The following ZNF638 variants were observed in gnomAD, a reference collection of about 807,000 sequenced individuals.
ZNF638 encodes zinc finger protein 638, also known as CTCL tumor antigen se33-1.
In ZNF638, 46 loss-of-function variants were observed where a neutral mutation model predicts 195.6. The ratio of observed to expected loss-of-function variants is 0.24; its 90% confidence interval spans 0.19 to 0.30. The LOEUF (loss-of-function observed/expected upper bound fraction) is 0.30. ZNF638 is among the 10% of genes least tolerant of loss of function. The pLI is 1.00. For missense variants in ZNF638, 2,440 were observed against 2,325.3 expected (o/e 1.05, Z -1.01); for synonymous variants, 845 against 772.0 (o/e 1.09, Z -1.57).
intron 2 of ZNF638, among the ~76,000 whole-genome samples, chr2:71,354,343 C>G (rs1281135081): frequency 7.0e-6 from 1 of 143,658 alleles, no homozygotes; most frequent in African/African-American, 2.6e-5. Context: ...ACTGTATTGG[C>G]TTTTTTTTTT....
intron 2 of ZNF638, among the ~76,000 whole-genome samples, chr2:71,353,032 G>A (rs988346927): frequency 2.0e-5 from 3 of 152,156 alleles, no homozygotes; most frequent in African/African-American, 2.4e-5. Context: ...GATGGATTTC[G>A]ATGGTACACA....
chr2:71,343,798 T>A (rs980749765), intron 1 of ZNF638, among the ~76,000 whole-genome samples: 1 of 152,160 alleles, frequency 6.6e-6, no homozygotes, highest in Non-Finnish European at 1.5e-5. Flanking sequence ...CCAAAAAAAC[T>A]CACGTTTTCC....
In ZNF638 at chr2:71,368,265, T is replaced by A. The variant is rs1249104327; in HGVS notation, c.1996-117T>A. ...GAAAAAGAAAAATGGGTAAAAAATATGGAAAAGACCCTTTAGTGTACTAAT... is the reference window on the plus strand; with the variant it reads ...GAAAAAGAAAAATGGGTAAAAAATAAGGAAAAGACCCTTTAGTGTACTAAT... On this transcript the variant is annotated intron_variant, in intron 6 of 27. Transcript: ENST00000264447. 3.3e-6 allele frequency: 3 copies of A among 904,554 alleles called. No homozygotes were observed. In the South Asian group the frequency reaches 8.7e-5, roughly 26 times the overall value. 56.0% of individuals were successfully genotyped at this position (904,554 alleles called of 1,614,324 possible). A position where few individuals can be genotyped will look rare whatever the true frequency, so the allele number is the denominator to read the frequency against.
chr2:71,433,165 A>T lies in ZNF638; in HGVS notation c.5753A>T (p.Glu1918Val). 5.7e-6 allele frequency: 9 copies of T among 1,589,862 alleles called. No homozygotes were observed. The highest frequency in any genetic ancestry group is 6.9e-6 in the Non-Finnish European group (8 of 1,158,370). The change falls in exon 27 of 28, where the codon GAA (glutamate) becomes GTA (valine). Residue 1918 changes from glutamate (E) to valine (V), a missense_variant and splice_region_variant. This residue lies in a region of ZNF638 where 1,883 missense variants were observed against 1,739.1 expected (regional missense o/e 1.08). Coordinates refer to ENST00000264447, the MANE Select transcript of ZNF638 (RefSeq NM_014497.5). ...CTTCTTGTCTCTTCTTATCCTCTAG[A>T]ATTAGACTTTCTTGTACCTAAGGCT... The part of the protein sequence containing the change: ...GKSVASDVPE[E>V]LDFLVPKAGF...
chr2:71,364,103 C>A lies in ZNF638; in HGVS notation c.1568C>A (p.Pro523Gln). The change falls in exon 5 of 28, where the codon CCA becomes CAA. Residue 523 changes from proline (P) to glutamine (Q), a missense_variant. Pro to Gln is a moderately conservative substitution (Grantham distance 76, BLOSUM62 -1). This residue lies in a region of ZNF638 where 1,883 missense variants were observed against 1,739.1 expected (regional missense o/e 1.08). Transcript: ENST00000264447. Reference sequence around the variant, plus strand: ...ATGTATAGGCCGAGAAGTCGAAGTCCAAGAATTTGCCATCGTTTCATTTCT... The same window carrying A: ...ATGTATAGGCCGAGAAGTCGAAGTCAAAGAATTTGCCATCGTTTCATTTCT... ...HYMYRPRSRS[P>Q]RICHRFISRY... 6.2e-7 allele frequency: 1 copy of A among 1,614,122 alleles called. No individual in the cohort carries two copies.
In ZNF638 at chr2:71,383,762, C is replaced by CTTTTTTTT. The variant is rs1181570876; in HGVS notation, c.2377+3209_2377+3216dup. 1.1e-3 allele frequency among the ~76,000 whole-genome samples: 81 copies of CTTTTTTTT among 76,724 alleles called. 2 individuals carry two copies. Among genetic ancestry groups the CTTTTTTTT allele is most frequent in the African/African-American group, 2.3e-3 (44 of 19,360 alleles). The allele number at this position is 76,724 out of a possible 152,430, so 50.3% of individuals were successfully genotyped here. On this transcript the variant is annotated intron_variant, in intron 10 of 27. Transcript: ENST00000264447. ...AATTTTTCTTTTTTTTTTTCTTTTT[C>CTTTTTTTT]TTTTTTTTTTTTTTTTTTTAGTAGA...
chr2:71,350,824 C>T (rs1276325565), intron 2 of ZNF638, among the ~76,000 whole-genome samples: 3 of 152,024 alleles, frequency 2.0e-5, no homozygotes, highest in Non-Finnish European at 4.4e-5. Flanking sequence ...AAAAATAAGT[C>T]AAGGTGCAGT....
chr2:71,405,005 T>A (rs2080077924), intron 17 of ZNF638, among the ~76,000 whole-genome samples: 1 of 152,166 alleles, frequency 6.6e-6, no homozygotes, highest in African/African-American at 2.4e-5. Flanking sequence ...ATCACTCTAA[T>A]GTGATGTAAT....
At chr2:71,370,974 C>G (rs143673651) in intron 8 of ZNF638, among the ~76,000 whole-genome samples, 3 of 152,154 alleles carry the variant, frequency 2.0e-5, no homozygotes, top group African/African-American at 7.2e-5. Flanking sequence ...TCCTCTACCC[C>G]CTGTTACCCT....
At chr2:71,368,752 G>C (rs2079251497) in intron 7 of ZNF638, among the ~76,000 whole-genome samples, 1 of 152,130 alleles carries the variant, frequency 6.6e-6, no homozygotes, top group South Asian at 2.1e-4. Context: ...AAATATTTTT[G>C]GTTTTATAAG....
Position 71,422,872 on chromosome 2 carries a change from C to T in ZNF638, c.3358C>T (p.Pro1120Ser), listed in dbSNP as rs2080460926. ...ESEVQTATDS[P>S]SVKPNELEEE... ...TGAGGTGCAAACAGCAACTGATAGT[C>T]CCTCTGTTAAACCTAATGAGCTTGA... The change falls in exon 22 of 28, where the codon CCC (proline) becomes TCC (serine). Residue 1120 changes from proline (P) to serine (S), a missense_variant. Physicochemically the swap from Pro to Ser is moderately conservative, Grantham distance 74. This residue lies in a region of ZNF638 where 1,883 missense variants were observed against 1,739.1 expected (regional missense o/e 1.08). Coordinates refer to ENST00000264447, the MANE Select transcript of ZNF638 (RefSeq NM_014497.5). 1.9e-6 allele frequency: 3 copies of T among 1,613,896 alleles called. No individual in the cohort carries two copies. The highest frequency in any genetic ancestry group is 1.7e-5 in the Admixed American group (1 of 59,984).
intron 1 of ZNF638, among the ~76,000 whole-genome samples, chr2:71,337,184 T>G (rs1372774845): frequency 6.6e-6 from 1 of 151,444 alleles, no homozygotes; most frequent in African/African-American, 2.4e-5. Context: ...GATCACATAG[T>G]CCAATGTTGG....
chr2:71,364,741 T>G (rs2079165965), intron 5 of ZNF638, among the ~76,000 whole-genome samples: 1 of 152,240 alleles, frequency 6.6e-6, no homozygotes, highest in South Asian at 2.1e-4. Context: ...TGCACAGGTC[T>G]TATTGTGTCT....
intron 8 of ZNF638, 113 bp downstream of exon 8, chr2:71,370,118 C>T: frequency 4.4e-6 from 5 of 1,148,388 alleles, no homozygotes; most frequent in Admixed American, 2.6e-5. Context: ...GTTAGCTCAA[C>T]ACATTATATG....
Position 71,418,604 on chromosome 2 carries a change from G to A in ZNF638, c.3264G>A (p.Val1088=). The change falls in exon 21 of 28, where the codon GTG becomes GTA. Residue 1088 remains valine (V), a splice_region_variant and synonymous_variant. Transcript: ENST00000264447. The part of the protein sequence containing the change: ...SLSPKIDLPE[V]QIEHDPELEK... ...ATAAAATGCTGATTATATTACAGGTGCAAATTGAGCATGACCCAGAATTAG... is the reference window on the plus strand; with the variant it reads ...ATAAAATGCTGATTATATTACAGGTACAAATTGAGCATGACCCAGAATTAG... 2 of 1,551,874 alleles carry A rather than the reference G, an allele frequency of 1.3e-6. No individual in the cohort carries two copies. The highest frequency in any genetic ancestry group is 1.7e-6 in the Non-Finnish European group (2 of 1,149,178).
At chr2:71,332,841 G>A (rs2078596715) in intron 1 of ZNF638, 1 of 152,064 alleles carries the variant, frequency 6.6e-6, no homozygotes, top group East Asian at 1.9e-4. Flanking sequence ...CGAAGTTTGG[G>A]GCCAGGACCA....
intron 11 of ZNF638, among the ~76,000 whole-genome samples, chr2:71,396,449 GGT>G (rs1369256769): frequency 7.9e-5 from 12 of 151,978 alleles, no homozygotes; most frequent in African/African-American, 2.9e-4. Context: ...CTTTTATTGA[GGT>G]CTCTCTTCTT....
At chr2:71,331,991 T>G in intron 1 of ZNF638, 116 bp downstream of exon 1, 1 of 884,426 alleles carries the variant, frequency 1.1e-6, no homozygotes, top group Non-Finnish European at 1.4e-6. Flanking sequence ...TCGCAGCGGC[T>G]CCGCACAAAA....
chr2:71,355,794 TTTCC>T lies in ZNF638; in HGVS notation c.1379+17_1379+20del, dbSNP rs771887846. 1.6e-4 allele frequency: 240 copies of T among 1,529,754 alleles called. No individual in the cohort carries two copies. Among genetic ancestry groups the T allele is most frequent in the Admixed American group, 2.0e-4 (11 of 55,206 alleles). The allele number at this position is 1,529,754 out of a possible 1,614,324, so 94.8% of individuals were successfully genotyped here. ...GTTACGTCAACAGTAAGAATATATT[TTTCC>T]TTTATTATAGATAGCATATTTACAA... is the stretch of plus-strand genomic sequence containing the variant. On this transcript the variant is annotated intron_variant, in intron 3 of 27. Coordinates refer to ENST00000264447, the MANE Select transcript of ZNF638 (RefSeq NM_014497.5).
Sources: allele counts gnomAD v4.1 joint callset (sites outside exome capture counted in the v4.1 genomes callset), GRCh38; gene constraint gnomAD v4.1.1; regional missense constraint gnomAD v4.1.1; transcripts MANE v1.5; gene names NCBI Gene and HGNC (gene_info 2026-07-23, HGNC 2026-07-21).